The following SAMD4A variants were observed in gnomAD, a reference collection of about 807,000 sequenced individuals.
The protein encoded by SAMD4A is protein Smaug homolog 1.
In SAMD4A, 33 loss-of-function variants were observed where a neutral mutation model predicts 81.3. The ratio of observed to expected loss-of-function variants is 0.41; its 90% confidence interval spans 0.31 to 0.54. SAMD4A has a LOEUF of 0.54. Ranked by LOEUF, SAMD4A falls within the 20% of genes least tolerant of loss-of-function variation. SAMD4A has a pLI of 0.37. For missense variants in SAMD4A, 854 were observed against 951.1 expected (o/e 0.90, Z 1.34); for synonymous variants, 389 against 382.1 (o/e 1.02, Z -0.21).
intron 8 of SAMD4A, among the ~76,000 whole-genome samples, chr14:54,765,144 G>A (rs376244790): frequency 1.4e-4 from 21 of 152,230 alleles, no homozygotes; most frequent in African/African-American, 4.6e-4. Context: ...CGTCAGCACT[G>A]GTGGCTGTCC....
intron 11 of SAMD4A, among the ~76,000 whole-genome samples, chr14:54,784,013 T>C (rs1427486421): frequency 6.6e-6 from 1 of 151,904 alleles, no homozygotes; most frequent in South Asian, 2.1e-4. Context: ...GGGAAAGGGA[T>C]AGTGTGGGGG....
At chr14:54,623,711 A>G (rs543878024) in intron 2 of SAMD4A, among the ~76,000 whole-genome samples, 128 of 152,292 alleles carry the variant, frequency 8.4e-4, no homozygotes, top group African/African-American at 2.9e-3. Flanking sequence ...TGTTCTGAAC[A>G]TAGCTGGGGG....
chr14:54,676,794 C>T (rs2036003457), intron 2 of SAMD4A, among the ~76,000 whole-genome samples: 1 of 152,206 alleles, frequency 6.6e-6, no homozygotes, highest in African/African-American at 2.4e-5. Context: ...TTTAGGCCTT[C>T]ATCTCATAAA....
intron 2 of SAMD4A, among the ~76,000 whole-genome samples, chr14:54,606,516 G>A (rs373758087): frequency 2.8e-4 from 43 of 152,316 alleles, no homozygotes; most frequent in African/African-American, 1.0e-3. Flanking sequence ...GAGGCTGCAG[G>A]CCACTTGTCT....
At chr14:54,668,236 G>C (rs1052648359) in intron 2 of SAMD4A, among the ~76,000 whole-genome samples, 2 of 152,124 alleles carry the variant, frequency 1.3e-5, no homozygotes, top group Non-Finnish European at 2.9e-5. Context: ...ACTTGAAACA[G>C]CCTCTCTTCA....
intron 2 of SAMD4A, among the ~76,000 whole-genome samples, chr14:54,592,834 G>A (rs976857327): frequency 6.6e-6 from 1 of 152,054 alleles, no homozygotes; most frequent in African/African-American, 2.4e-5. Flanking sequence ...CCAGAGCCAC[G>A]CATTGCCTCT....
rs2036737038 is a variant in SAMD4A at position 54,702,199 on chromosome 14, T to A, written c.334T>A (p.Ser112Thr). 6.2e-7 allele frequency: 1 copy of A among 1,614,168 alleles called. No individual in the cohort carries two copies. The highest frequency in any genetic ancestry group is 8.5e-7 in the Non-Finnish European group (1 of 1,180,030). Residue 112 changes from serine to threonine, a missense_variant, in exon 3 of 13, where the codon TCT (serine) becomes ACT (threonine). Physicochemically the swap from Ser to Thr is moderately conservative, Grantham distance 58 (BLOSUM62 1). Coordinates refer to ENST00000554335, the MANE Select transcript of SAMD4A (RefSeq NM_015589.6). ...ACTGCTGCCCAAAATCCTGGCTCAC[T>A]CTATTGAACACAACCAGCACATTGA... Reference protein sequence around the residue: ...MKLLPKILAHSIEHNQHIEES... With the variant: ...MKLLPKILAHTIEHNQHIEES...
intron 2 of SAMD4A, among the ~76,000 whole-genome samples, chr14:54,598,523 A>G (rs2033971430): frequency 6.6e-6 from 1 of 152,218 alleles, no homozygotes; most frequent in African/African-American, 2.4e-5. Flanking sequence ...ACTTTTCACT[A>G]TTATAACATA....
intron 4 of SAMD4A, among the ~76,000 whole-genome samples, chr14:54,738,472 G>T (rs1275567718): frequency 2.0e-5 from 3 of 152,178 alleles, no homozygotes; most frequent in African/African-American, 7.2e-5. Context: ...TTCATTGATG[G>T]TTCCAGGGCT....
chr14:54,762,159 C>T (rs2038417351), intron 7 of SAMD4A, among the ~76,000 whole-genome samples: 1 of 152,186 alleles, frequency 6.6e-6, no homozygotes, highest in South Asian at 2.1e-4. Flanking sequence ...ACCTGGGCTA[C>T]CCTCTGCCTT....
chr14:54,617,937 G>A (rs1488571777), intron 2 of SAMD4A, among the ~76,000 whole-genome samples: 1 of 152,186 alleles, frequency 6.6e-6, no homozygotes, highest in African/African-American at 2.4e-5. Flanking sequence ...CGAAATAGAT[G>A]ATGCCTTTTA....
chr14:54,698,306 T>C (rs2036624985), intron 2 of SAMD4A, among the ~76,000 whole-genome samples: 1 of 152,258 alleles, frequency 6.6e-6, no homozygotes, highest in South Asian at 2.1e-4. Flanking sequence ...TATGTAATTC[T>C]GTATCATATA....
intron 10 of SAMD4A, 143 bp downstream of exon 10, chr14:54,775,278 A>G: frequency 2.3e-6 from 2 of 880,182 alleles, no homozygotes; most frequent in East Asian, 2.6e-5. Context: ...CAGAGGTAAC[A>G]GCATTGTTCG....
At chr14:54,751,671 C>T (rs191782453) in intron 6 of SAMD4A, 134 bp downstream of exon 6, 62 of 693,810 alleles carry the variant, frequency 8.9e-5, no homozygotes, top group East Asian at 6.3e-4. Context: ...TCAGAGAAAA[C>T]GGAATGATTT....
rs1201184638 is a variant in SAMD4A, at chr14:54,650,484, C to T, written c.197-51578C>T. 2.0e-5 allele frequency among the ~76,000 whole-genome samples: 3 copies of T among 152,202 alleles called. No individual in the cohort carries two copies. In the East Asian group the frequency reaches 5.8e-4, roughly 29 times the overall value. The stretch of plus-strand genomic sequence containing the variant: ...CCTCCTTGTCATCTTGTTATAGCAG[C>T]TCCTGCGACTGGACTGTGGTCATGC... On this transcript the variant is annotated intron_variant, in intron 2 of 12. Transcript: ENST00000554335.
At chr14:54,734,485 T>G (rs532777423) in intron 3 of SAMD4A, among the ~76,000 whole-genome samples, 1 of 152,236 alleles carries the variant, frequency 6.6e-6, no homozygotes, top group Non-Finnish European at 1.5e-5. Context: ...AATTGATGTT[T>G]CCTTAGAGGC....
intron 3 of SAMD4A, among the ~76,000 whole-genome samples, chr14:54,735,345 CATTT>C (rs1161591063): frequency 6.6e-6 from 1 of 152,064 alleles, no homozygotes; most frequent in Non-Finnish European, 1.5e-5. Flanking sequence ...CAATGCAAGC[CATTT>C]AAGCCTGTTA....
At chr14:54,743,622 G>A (rs1237752210) in intron 4 of SAMD4A, among the ~76,000 whole-genome samples, 12 of 151,008 alleles carry the variant, frequency 7.9e-5, no homozygotes, top group African/African-American at 2.7e-4. Flanking sequence ...CGGAAACTGC[G>A]GGGAGAAGGT....
At chr14:54,749,443 A>G (rs1178924829) in intron 5 of SAMD4A, among the ~76,000 whole-genome samples, 1 of 152,184 alleles carries the variant, frequency 6.6e-6, no homozygotes, top group Non-Finnish European at 1.5e-5. Flanking sequence ...ACCCGCCCCA[A>G]CATTTTTAAA....
Sources: allele counts gnomAD v4.1 joint callset (sites outside exome capture counted in the v4.1 genomes callset), GRCh38; gene constraint gnomAD v4.1.1; transcripts MANE v1.5; gene names NCBI Gene and HGNC (gene_info 2026-07-23, HGNC 2026-07-21).